The following NIN variants were observed in gnomAD, a reference collection of about 807,000 sequenced individuals.
NIN encodes the protein glycogen synthase kinase 3 beta-interacting protein.
NIN carries 137 observed loss-of-function variants against 257.6 expected under a neutral mutation model. The ratio of observed to expected loss-of-function variants is 0.53; its 90% CI spans 0.46 to 0.61. The LOEUF (loss-of-function observed/expected upper bound fraction) is 0.61. Among genes scored for constraint, NIN ranks in the 20% least tolerant of loss-of-function variants. NIN has a pLI of 0.00. For synonymous variants in NIN, 918 were observed against 919.8 expected (o/e 1.00, Z 0.04); for missense variants, 2,439 against 2,501.2 (o/e 0.98, Z 0.53).
intron 5 of NIN, among the ~76,000 whole-genome samples, chr14:50,785,296 C>T (rs1270066380): frequency 6.6e-6 from 1 of 152,214 alleles, no homozygotes; most frequent in Non-Finnish European, 1.5e-5. Flanking sequence ...GGTGTGGCCC[C>T]TGCCCACAAT....
intron 7 of NIN, among the ~76,000 whole-genome samples, chr14:50,775,755 A>C (rs1207991498): frequency 6.6e-6 from 1 of 152,176 alleles, no homozygotes; most frequent in African/African-American, 2.4e-5. Flanking sequence ...TAAATAATCC[A>C]AGTTTGTGCA....
chr14:50,824,152 G>A (rs1451011358), intron 2 of NIN, among the ~76,000 whole-genome samples: 3 of 152,112 alleles, frequency 2.0e-5, no homozygotes, highest in East Asian at 3.8e-4. Flanking sequence ...ACTCAAAAGC[G>A]AAAGAATTCT....
At chr14:50,770,260 A>AC in intron 12 of NIN, 128 bp downstream of exon 12, 1 of 886,598 alleles carries the variant, frequency 1.1e-6, no homozygotes, top group Non-Finnish European at 1.7e-6. Flanking sequence ...CTGGGTGAAG[A>AC]CCCAGCTGGG....
At chr14:50,741,458 C>T (rs910013959) in intron 25 of NIN, 124 bp downstream of exon 25, 1 of 746,184 alleles carries the variant, frequency 1.3e-6, no homozygotes, top group Non-Finnish European at 2.1e-6. Context: ...TATACAAACA[C>T]AGATACATAA....
At chr14:50,800,595 A>C (rs1414865094) in intron 4 of NIN, among the ~76,000 whole-genome samples, 1 of 152,220 alleles carries the variant, frequency 6.6e-6, no homozygotes, top group Non-Finnish European at 1.5e-5. Flanking sequence ...AGCATGGATT[A>C]GCCAAAAGCA....
chr14:50,739,715 T>A (rs938672588), intron 25 of NIN, among the ~76,000 whole-genome samples: 7 of 152,242 alleles, frequency 4.6e-5, no homozygotes, highest in Non-Finnish European at 8.8e-5. Flanking sequence ...TTTAAAATGG[T>A]CTTTGACAAA....
In NIN at chr14:50,757,970, CTTTA is replaced by C. The variant is rs1566813112; in HGVS notation, c.3056_3059del (p.Ile1019ArgfsTer19). 1 of 1,614,230 alleles carries C rather than the reference CTTTA, an allele frequency of 6.2e-7. No homozygotes were observed. Among genetic ancestry groups the C allele is most frequent in the Non-Finnish European group, 8.5e-7 (1 of 1,180,052 alleles). ...GAGGAGATGTTGCCTGCTGCATTTC[CTTTA>C]TTTTACTCTGAAGTCTGGAGATTTC... On this transcript the variant is annotated frameshift_variant, in exon 18 of 31. Transcript: ENST00000530997. LOFTEE classifies it high-confidence loss of function.
At position 50,821,854 on chromosome 14, in the gene NIN, C is replaced by T. The variant is rs1428146098; in HGVS notation, c.183+20G>A. ...AACCGCACCCCACTTCCCATAGCCACGTTCTTCCCCAGACCTTACCCTGCC... is the reference window on the plus strand; with the variant it reads ...AACCGCACCCCACTTCCCATAGCCATGTTCTTCCCCAGACCTTACCCTGCC... On this transcript the variant is annotated intron_variant, in intron 3 of 30. Coordinates refer to ENST00000530997, the MANE Select transcript of NIN (RefSeq NM_020921.4). The T allele has an allele frequency of 2.2e-5, 35 of 1,599,968 alleles. No individual in the cohort carries two copies. The highest frequency in any genetic ancestry group is 2.7e-5 in the African/African-American group (2 of 74,692).
At chr14:50,744,885 G>C (rs1186853152) in intron 22 of NIN, among the ~76,000 whole-genome samples, 2 of 152,130 alleles carry the variant, frequency 1.3e-5, no homozygotes, top group Admixed American at 6.5e-5. Flanking sequence ...AGTGAGCCGA[G>C]ATGACTGCAC....
intron 22 of NIN, among the ~76,000 whole-genome samples, chr14:50,746,123 T>C (rs138254921): frequency 7.2e-5 from 11 of 152,070 alleles, no homozygotes; most frequent in African/African-American, 2.7e-4. Context: ...TTCCTTCTGT[T>C]CTCCAGCTTA....
chr14:50,792,536 A>G, intron 5 of NIN, 176 bp downstream of exon 5: 1 of 657,500 alleles, frequency 1.5e-6, no homozygotes, highest in Non-Finnish European at 2.6e-6. Context: ...AAAAACATTC[A>G]AAAGATAGAA....
chr14:50,794,154 G>C (rs1166258176), intron 4 of NIN, among the ~76,000 whole-genome samples: 2 of 152,170 alleles, frequency 1.3e-5, no homozygotes, highest in Non-Finnish European at 1.5e-5. Flanking sequence ...TCCCAGGGAG[G>C]ACTGGCGACC....
intron 3 of NIN, among the ~76,000 whole-genome samples, chr14:50,807,842 T>C (rs1326932227): frequency 6.6e-6 from 1 of 152,234 alleles, no homozygotes; most frequent in Non-Finnish European, 1.5e-5. Context: ...TTATATGTCA[T>C]AAAAGATTTA....
At position 50,740,192 on chromosome 14, in the gene NIN, CTT is replaced by C. The variant is rs34661828; in HGVS notation, c.5449-707_5449-706del. ...CCAGAAGTAATTTTAAAAATGGAAA[CTT>C]TTTTTTTTTTGAGACAGACTCTCAC... On this transcript the variant is annotated intron_variant, in intron 25 of 30. Coordinates refer to ENST00000530997, the MANE Select transcript of NIN (RefSeq NM_020921.4). Among the ~76,000 whole-genome samples, 6 of 147,074 alleles carry C rather than the reference CTT, an allele frequency of 4.1e-5. No homozygotes were observed. In the South Asian group the frequency reaches 1.1e-3, roughly 26 times the overall value.
intron 29 of NIN, among the ~76,000 whole-genome samples, chr14:50,729,130 C>T (rs74767911): frequency 0.023 from 3,567 of 152,222 alleles, 139 homozygotes; most frequent in African/African-American, 0.082. Flanking sequence ...ATGGGCAAAT[C>T]GTCTATTACA....
intron 5 of NIN, among the ~76,000 whole-genome samples, chr14:50,789,571 A>G (rs2043494110): frequency 6.6e-6 from 1 of 152,190 alleles, no homozygotes; most frequent in South Asian, 2.1e-4. Context: ...ACTCCATCTC[A>G]AGAAAACAAA....
Position 50,756,381 on chromosome 14 carries a change from T to A in NIN, c.4538+111A>T, listed in dbSNP as rs562722586. 8.7e-6 allele frequency: 10 copies of A among 1,144,852 alleles called. No homozygotes were observed. The African/African-American group carries it at 1.4e-4, about 16-fold the overall frequency. The allele number at this position is 1,144,852 out of a possible 1,614,324, so 70.9% of individuals were successfully genotyped here. A position where few individuals can be genotyped will look rare whatever the true frequency, so the allele number is the denominator to read the frequency against. ...CAGAAGGAAGTCTAGAGAGTACTGCTCTCTTCGTGAAGACTACTAGGTTAG... is the reference window on the plus strand; with the variant it reads ...CAGAAGGAAGTCTAGAGAGTACTGCACTCTTCGTGAAGACTACTAGGTTAG... On this transcript the variant is annotated intron_variant, in intron 18 of 30. Transcript: ENST00000530997.
intron 29 of NIN, chr14:50,727,420 T>G: frequency 9.2e-7 from 1 of 1,091,146 alleles, no homozygotes; most frequent in Non-Finnish European, 1.1e-6. Flanking sequence ...TTCAAGAATC[T>G]TAAATCCACA....
intron 12 of NIN, 39 bp downstream of exon 12, chr14:50,770,349 C>A (rs769796354): frequency 1.9e-6 from 3 of 1,594,556 alleles, no homozygotes; most frequent in African/African-American, 1.3e-5. Context: ...GTGGTGTTCC[C>A]GGCAGGGACG....
Sources: allele counts gnomAD v4.1 joint callset (sites outside exome capture counted in the v4.1 genomes callset), GRCh38; gene constraint gnomAD v4.1.1; transcripts MANE v1.5; gene names NCBI Gene and HGNC (gene_info 2026-07-23, HGNC 2026-07-21).